Variants in PKP4 observed in about 807,000 individuals in gnomAD.
PKP4 encodes the protein plakophilin-4.
A neutral mutation model predicts 145.1 loss-of-function variants in PKP4; 90 were observed. The ratio of observed to expected loss-of-function variants is 0.62; its 90% confidence interval spans 0.52 to 0.74. The LOEUF (loss-of-function observed/expected upper bound fraction) is 0.74. Among genes scored for constraint, PKP4 ranks in the 30% least tolerant of loss-of-function variants. The pLI is 0.00. For missense variants in PKP4, 1,340 were observed against 1,482.7 expected (o/e 0.90, Z 1.58); for synonymous variants, 563 against 577.2 (o/e 0.98, Z 0.35).
At chr2:158,475,407 A>G (rs758623609) in intron 1 of PKP4, among the ~76,000 whole-genome samples, 2 of 152,104 alleles carry the variant, frequency 1.3e-5, no homozygotes, top group Non-Finnish European at 1.5e-5. Flanking sequence ...TTTTAGACAC[A>G]GAGGTTTGCA....
intron 12 of PKP4, chr2:158,659,503 G>A (rs761621520): frequency 3.3e-5 from 5 of 152,268 alleles, no homozygotes; most frequent in Non-Finnish European, 7.3e-5. Context: ...ATTCTACCAG[G>A]AAGACAGACA....
At chr2:158,480,106 G>T (rs1320949378) in intron 1 of PKP4, among the ~76,000 whole-genome samples, 1 of 152,188 alleles carries the variant, frequency 6.6e-6, no homozygotes, top group Non-Finnish European at 1.5e-5. Flanking sequence ...ACACGCCTGT[G>T]TTTTTCTACC....
At chr2:158,677,485 G>A (rs2058106064) in intron 20 of PKP4, 1 of 160,706 alleles carries the variant, frequency 6.2e-6, no homozygotes, top group African/African-American at 2.4e-5. Flanking sequence ...GGGTTACTAA[G>A]ATTTCATACT....
intron 1 of PKP4, among the ~76,000 whole-genome samples, chr2:158,470,901 C>T (rs905623639): frequency 1.3e-5 from 2 of 151,934 alleles, no homozygotes; most frequent in East Asian, 3.9e-4. Flanking sequence ...AGCAGCAACC[C>T]GAGGATGGAA....
At chr2:158,546,817 G>T (rs922562978) in intron 2 of PKP4, among the ~76,000 whole-genome samples, 1 of 152,130 alleles carries the variant, frequency 6.6e-6, no homozygotes, top group African/African-American at 2.4e-5. Context: ...AGAAGAAAAG[G>T]TCAGAGGATT....
chr2:158,670,861 T>G lies in PKP4; in HGVS notation c.2924+946T>G, dbSNP rs1264285423. ...AGAATCAGTGGTAAAAATTGAAGGC[T>G]GCTTGTCATGGAGCTGTAGCAGTGA... On this transcript the variant is annotated intron_variant, in intron 17 of 21. Transcript: ENST00000389759. 2.6e-5 allele frequency among the ~76,000 whole-genome samples: 4 copies of G among 152,190 alleles called. No homozygotes were observed. In the South Asian group the frequency reaches 6.2e-4, roughly 24 times the overall value.
At chr2:158,518,971 A>G (rs1315188697) in intron 1 of PKP4, among the ~76,000 whole-genome samples, 1 of 152,076 alleles carries the variant, frequency 6.6e-6, no homozygotes, top group Non-Finnish European at 1.5e-5. Context: ...CATTCATTTT[A>G]TTCACTTATT....
At chr2:158,630,149 T>C (rs143787686) in intron 7 of PKP4, among the ~76,000 whole-genome samples, 83 of 152,344 alleles carry the variant, frequency 5.4e-4, no homozygotes, top group African/African-American at 1.9e-3. Context: ...GGATATACCC[T>C]TAATTGATAT....
chr2:158,617,766 G>T (rs1412260912), intron 4 of PKP4, among the ~76,000 whole-genome samples: 1 of 152,146 alleles, frequency 6.6e-6, no homozygotes, highest in Non-Finnish European at 1.5e-5. Context: ...AGTTTTCAAA[G>T]AAAATAGTAA....
chr2:158,537,597 C>G (rs1168359972), intron 2 of PKP4, among the ~76,000 whole-genome samples: 2 of 152,194 alleles, frequency 1.3e-5, no homozygotes, highest in Non-Finnish European at 2.9e-5. Flanking sequence ...TACTGTTCAG[C>G]TCAACTCCTA....
At chr2:158,496,639 C>A (rs1320784542) in intron 1 of PKP4, among the ~76,000 whole-genome samples, 4 of 152,246 alleles carry the variant, frequency 2.6e-5, no homozygotes, top group Non-Finnish European at 4.4e-5. Context: ...ATTCAGCCTT[C>A]ACATGTTTAC....
chr2:158,486,662 A>G (rs772709059), intron 1 of PKP4, among the ~76,000 whole-genome samples: 2 of 152,234 alleles, frequency 1.3e-5, no homozygotes, highest in Admixed American at 6.5e-5. Flanking sequence ...AAGGCATAAT[A>G]AGTTAGGACC....
At chr2:158,627,496 T>G (rs2052913664) in intron 7 of PKP4, among the ~76,000 whole-genome samples, 1 of 152,064 alleles carries the variant, frequency 6.6e-6, no homozygotes, top group Non-Finnish European at 1.5e-5. Flanking sequence ...AGCCTCTCAG[T>G]GATTTTTTTC....
At position 158,678,637 on chromosome 2, in the gene PKP4, C is replaced by G. The variant is rs376621114; in HGVS notation, c.3313C>G (p.Gln1105Glu). 1.2e-6 allele frequency: 2 copies of G among 1,600,784 alleles called. No individual in the cohort carries two copies. The highest frequency in any genetic ancestry group is 2.7e-5 in the African/African-American group (2 of 74,696). ...TTCCTATTCCTCACCAGCAAGAGAACAAAATAGACGGCTACAGGTGAATTT... is the reference window on the plus strand; with the variant it reads ...TTCCTATTCCTCACCAGCAAGAGAAGAAAATAGACGGCTACAGGTGAATTT... ...ISSYSSPARE[Q>E]NRRLQHQQLY... The change falls in exon 21 of 22, where the codon CAA becomes GAA. Residue 1105 changes from glutamine (Q) to glutamate (E), a missense_variant. Gln to Glu is a conservative substitution (Grantham distance 29, BLOSUM62 2). Transcript: ENST00000389759.
intron 2 of PKP4, among the ~76,000 whole-genome samples, chr2:158,552,109 A>G (rs2045683250): frequency 1.3e-5 from 2 of 152,224 alleles, no homozygotes; most frequent in Non-Finnish European, 2.9e-5. Flanking sequence ...TGTCTATGAG[A>G]GAGGCAGAGA....
At chr2:158,657,997 C>T (rs555910134) in intron 11 of PKP4, 134 bp from the exon 12 acceptor site, 2 of 623,090 alleles carry the variant, frequency 3.2e-6, no homozygotes, top group East Asian at 2.8e-5. Flanking sequence ...TCTATTCCCA[C>T]CCTGGTTGCA....
intron 11 of PKP4, among the ~76,000 whole-genome samples, chr2:158,645,247 A>G (rs942544884): frequency 3.9e-5 from 6 of 152,236 alleles, no homozygotes; most frequent in African/African-American, 1.4e-4. Flanking sequence ...GAGGCATCTC[A>G]CCAAAAAACA....
intron 1 of PKP4, among the ~76,000 whole-genome samples, chr2:158,532,679 T>C (rs2043674401): frequency 6.6e-6 from 1 of 152,208 alleles, no homozygotes; most frequent in Non-Finnish European, 1.5e-5. Context: ...TAGATTTTCT[T>C]TTCAACACCA....
chr2:158,639,291 A>T lies in PKP4; in HGVS notation c.1563-1336A>T, dbSNP rs542019402. Among the ~76,000 whole-genome samples, 44 of 151,968 alleles carry T rather than the reference A, an allele frequency of 2.9e-4. 1 individual carries two copies. In the South Asian group the frequency reaches 8.8e-3, roughly 30 times the overall value. ...ATTTGTATCTCCAGCACCATAGCAC[A>T]GTAAGAATTCACTAACTGAACGCAT... On this transcript the variant is annotated intron_variant, in intron 9 of 21. Transcript: ENST00000389759.
Sources: gnomAD v4.1 joint callset for allele counts (sites outside exome capture counted in the v4.1 genomes callset) on GRCh38, gnomAD v4.1.1 for gene constraint, MANE v1.5 for transcripts, NCBI Gene and HGNC (gene_info 2026-07-23, HGNC 2026-07-21) for gene names.